The following SYT16 variants were observed in gnomAD, a reference collection of about 807,000 sequenced individuals.
The protein encoded by SYT16 is synaptotagmin-16.
In SYT16, 42 loss-of-function variants were observed where a neutral mutation model predicts 61.4. That is an observed-to-expected ratio of 0.68 (90% CI 0.53 to 0.89). The LOEUF (loss-of-function observed/expected upper bound fraction) is 0.89. Ranked by LOEUF, SYT16 falls within the 40% of genes least tolerant of loss-of-function variation. The pLI is 0.00. For synonymous variants in SYT16, 314 were observed against 302.3 expected, an observed-to-expected ratio of 1.04 and a Z score of -0.40; for missense variants, 804 against 807.3, an observed-to-expected ratio of 1.00 and a Z score of 0.05.
chr14:61,972,944 T>A (rs1595055095), intron 2 of SYT16, among the ~76,000 whole-genome samples: 1 of 152,330 alleles, frequency 6.6e-6, no homozygotes, highest in East Asian at 1.9e-4. Flanking sequence ...CCATAGCAAC[T>A]TCTTCTCTAG....
intron 3 of SYT16, among the ~76,000 whole-genome samples, chr14:62,010,606 T>C (rs2053407368): frequency 6.6e-6 from 1 of 152,186 alleles, no homozygotes; most frequent in Non-Finnish European, 1.5e-5. Context: ...TCCTAGAAAT[T>C]TCCTAATATT....
intron 3 of SYT16, among the ~76,000 whole-genome samples, chr14:62,048,779 G>T (rs1423395470): frequency 6.6e-6 from 1 of 152,154 alleles, no homozygotes; most frequent in African/African-American, 2.4e-5. Flanking sequence ...CCGTGTATTT[G>T]AGGGGTTTTG....
intron 4 of SYT16, among the ~76,000 whole-genome samples, chr14:62,070,511 C>T (rs1166792429): frequency 6.6e-6 from 1 of 152,176 alleles, no homozygotes; most frequent in African/African-American, 2.4e-5. Flanking sequence ...AAAGCTAGGG[C>T]AGCCAGCTTG....
intron 3 of SYT16, among the ~76,000 whole-genome samples, chr14:62,012,182 T>C (rs967880524): frequency 6.6e-6 from 1 of 152,172 alleles, no homozygotes; most frequent in Non-Finnish European, 1.5e-5. Flanking sequence ...AATCCTTTGC[T>C]TAGGGTCTCA....
At chr14:62,018,645 G>T (rs923340285) in intron 3 of SYT16, among the ~76,000 whole-genome samples, 1 of 152,014 alleles carries the variant, frequency 6.6e-6, no homozygotes, top group African/African-American at 2.4e-5. Context: ...TTATGCTTTT[G>T]CACTAGCTGT....
At chr14:61,929,670 A>C (rs975418914) in intron 1 of SYT16, among the ~76,000 whole-genome samples, 10 of 152,182 alleles carry the variant, frequency 6.6e-5, no homozygotes, top group Admixed American at 2.6e-4. Context: ...TCTCTGGAGA[A>C]TGTGTTGTGG....
At chr14:62,040,722 C>T (rs1358621269) in intron 3 of SYT16, among the ~76,000 whole-genome samples, 1 of 152,054 alleles carries the variant, frequency 6.6e-6, no homozygotes, top group Admixed American at 6.5e-5. Flanking sequence ...TTTTCCTCTA[C>T]TTTTAAAAAA....
At chr14:61,831,812 T>A in intron 1 of SYT16, 1 of 302,346 alleles carries the variant, frequency 3.3e-6, no homozygotes, top group Middle Eastern at 5.0e-4. Context: ...AGGCATGGAG[T>A]TATAGTATGG....
chr14:62,014,980 G>A (rs577717082), intron 3 of SYT16, among the ~76,000 whole-genome samples: 9 of 152,114 alleles, frequency 5.9e-5, no homozygotes, highest in Admixed American at 1.3e-4. Context: ...TGCCTTCCTC[G>A]TGAAAACTGT....
intron 6 of SYT16, among the ~76,000 whole-genome samples, chr14:62,082,475 G>A (rs1444674363): frequency 6.6e-6 from 1 of 152,084 alleles, no homozygotes; most frequent in Non-Finnish European, 1.5e-5. Flanking sequence ...AAATCCTATT[G>A]GCTCTATCTT....
intron 1 of SYT16, among the ~76,000 whole-genome samples, chr14:61,905,946 G>A (rs868464563): frequency 9.2e-5 from 14 of 152,098 alleles, no homozygotes; most frequent in Middle Eastern, 3.4e-3. Flanking sequence ...TAGTAGAGAC[G>A]GGGTTTCACC....
intron 3 of SYT16, among the ~76,000 whole-genome samples, chr14:62,034,539 T>TG (rs142519423): frequency 0.023 from 3,480 of 152,276 alleles, 53 homozygotes; most frequent in South Asian, 0.043. Context: ...AATGAACTAC[T>TG]GACATATGCT....
intron 1 of SYT16, among the ~76,000 whole-genome samples, chr14:61,895,996 C>A (rs2048311520): frequency 6.6e-6 from 1 of 152,058 alleles, no homozygotes; most frequent in Non-Finnish European, 1.5e-5. Context: ...TTGCGCTGGG[C>A]TACCTTGTCA....
chr14:61,934,095 A>G (rs1001167700), intron 1 of SYT16, among the ~76,000 whole-genome samples: 1 of 152,204 alleles, frequency 6.6e-6, no homozygotes, highest in East Asian at 1.9e-4. Flanking sequence ...TTTTCTGTAT[A>G]AACTTTTCAT....
At chr14:61,818,470 G>C (rs2045510300) in intron 1 of SYT16, among the ~76,000 whole-genome samples, 2 of 152,108 alleles carry the variant, frequency 1.3e-5, no homozygotes, top group South Asian at 4.1e-4. Context: ...ATGAGGTCAG[G>C]AGTTTGAGAC....
chr14:62,026,021 T>C (rs908848095), intron 3 of SYT16, among the ~76,000 whole-genome samples: 1 of 152,238 alleles, frequency 6.6e-6, no homozygotes, highest in African/African-American at 2.4e-5. Context: ...CCAAGTTTGC[T>C]ACACTTTGCT....
At chr14:62,099,885 G>C (rs919006399) in intron 7 of SYT16, among the ~76,000 whole-genome samples, 1 of 86,148 alleles carries the variant, frequency 1.2e-5, no homozygotes, top group Non-Finnish European at 2.8e-5. Context: ...GTGTCTGTCT[G>C]TCTGTCTGTC....
chr14:61,835,964 T>C (rs1031526795), intron 1 of SYT16, among the ~76,000 whole-genome samples: 56 of 152,338 alleles, frequency 3.7e-4, no homozygotes, highest in Non-Finnish European at 6.5e-4. Context: ...TTACAAAATA[T>C]GGTTACTGGA....
At chr14:61,820,421 T>C (rs975031154) in intron 1 of SYT16, among the ~76,000 whole-genome samples, 3 of 146,282 alleles carry the variant, frequency 2.1e-5, no homozygotes, top group African/African-American at 7.6e-5. Context: ...GAATGACTGA[T>C]GGATGGCTAT....
Sources: gnomAD v4.1 joint callset for allele counts (sites outside exome capture counted in the v4.1 genomes callset) on GRCh38, gnomAD v4.1.1 for gene constraint, MANE v1.5 for transcripts, NCBI Gene and HGNC (gene_info 2026-07-23, HGNC 2026-07-21) for gene names.